SFXN1: variants seen among roughly 807,000 people sequenced by gnomAD.
SFXN1 encodes the protein sideroflexin-1.
A neutral mutation model predicts 39.5 loss-of-function variants in SFXN1; 32 were observed. The ratio of observed to expected loss-of-function variants is 0.81; its 90% CI spans 0.61 to 1.09. The LOEUF is 1.09. Among genes scored for constraint, SFXN1 ranks in the 50% least tolerant of loss-of-function variants. The probability of loss-of-function intolerance (pLI) is 0.00; values close to 1 mark genes in which losing one functional copy is unlikely to be tolerated. For missense variants in SFXN1, 402 were observed against 407.1 expected, an observed-to-expected ratio of 0.99 and a Z score of 0.11; for synonymous variants, 136 against 146.5, an observed-to-expected ratio of 0.93 and a Z score of 0.52.
intron 1 of SFXN1, among the ~76,000 whole-genome samples, chr5:175,483,118 A>G (rs562465877): frequency 6.6e-6 from 1 of 152,216 alleles, no homozygotes; most frequent in Non-Finnish European, 1.5e-5. Context: ...GATTGAATTT[A>G]AACAGTTTTT....
In SFXN1 at chr5:175,513,310, A is replaced by C. The variant is rs1312888952; in HGVS notation, c.597-153A>C. ...GAGTGAGACTGTAAAAAAAAAAAAA[A>C]AAAAAAAAAAAAAACAGATGTGTCA... is the stretch of plus-strand genomic sequence containing the variant. On this transcript the variant is annotated intron_variant, in intron 6 of 10. Coordinates refer to ENST00000321442, the MANE Select transcript of SFXN1 (RefSeq NM_022754.7). Among the ~76,000 whole-genome samples, 7 of 131,030 alleles carry C rather than the reference A, an allele frequency of 5.3e-5. No individual in the cohort carries two copies. The East Asian group carries it at 1.0e-3, about 20-fold the overall frequency. 86.0% of individuals were successfully genotyped at this position (131,030 alleles called of 152,430 possible).
chr5:175,482,222 G>A (rs149455319), intron 1 of SFXN1, among the ~76,000 whole-genome samples: 248 of 152,266 alleles, frequency 1.6e-3, no homozygotes, highest in African/African-American at 5.8e-3. Flanking sequence ...TGGCCCTAGT[G>A]AAACAAACTG....
rs1761075824 is a variant in SFXN1 at position 175,526,748 on chromosome 5, CCT to C, written c.*17_*18del. 1 of 1,596,716 alleles carries C rather than the reference CCT, an allele frequency of 6.3e-7. No homozygotes were observed. ...AAGGGATTGTAAAGCAGGGAGGAAA[CCT>C]CTGCAGCTCATTCTGCCACTGCAAA... On this transcript the variant is annotated 3_prime_UTR_variant, in exon 11 of 11. Coordinates refer to ENST00000321442, the MANE Select transcript of SFXN1 (RefSeq NM_022754.7).
intron 7 of SFXN1, among the ~76,000 whole-genome samples, chr5:175,513,933 T>C (rs1428128969): frequency 6.7e-6 from 1 of 150,160 alleles, no homozygotes; most frequent in Non-Finnish European, 1.5e-5. Context: ...CAGGTGCAGC[T>C]GGGGCACAGT....
intron 2 of SFXN1, among the ~76,000 whole-genome samples, chr5:175,505,314 C>G (rs1206456647): frequency 6.6e-6 from 1 of 151,698 alleles, no homozygotes; most frequent in African/African-American, 2.4e-5. Flanking sequence ...GCAGGGGCAT[C>G]ACCTGAGGTT....
At chr5:175,513,197 G>A (rs1561671373) in intron 6 of SFXN1, among the ~76,000 whole-genome samples, 1 of 151,448 alleles carries the variant, frequency 6.6e-6, no homozygotes, top group Non-Finnish European at 1.5e-5. Flanking sequence ...CTACTCGGGA[G>A]GCTGAGGCAG....
Position 175,488,948 on chromosome 5 carries a change from G to T in SFXN1, c.-9-3147G>T, listed in dbSNP as rs565515296. Among the ~76,000 whole-genome samples the T allele has an allele frequency of 1.3e-3, 200 of 152,246 alleles. No homozygotes were observed. In the Middle Eastern group the frequency reaches 0.024, roughly 18 times the overall value. The stretch of plus-strand genomic sequence containing the variant: ...ATAATGAATAGTTTACTTATCTTTT[G>T]TGTTTTTTGTTTGTTGCCTGTTTTC... On this transcript the variant is annotated intron_variant, in intron 1 of 10. Coordinates refer to ENST00000321442, the MANE Select transcript of SFXN1 (RefSeq NM_022754.7).
intron 1 of SFXN1, among the ~76,000 whole-genome samples, chr5:175,480,208 T>C (rs916524561): frequency 6.6e-6 from 1 of 152,194 alleles, no homozygotes; most frequent in Non-Finnish European, 1.5e-5. Flanking sequence ...AAGACCATCC[T>C]GGCTAAGCCG....
At chr5:175,503,506 T>C (rs999742538) in intron 2 of SFXN1, among the ~76,000 whole-genome samples, 1 of 152,180 alleles carries the variant, frequency 6.6e-6, no homozygotes, top group African/African-American at 2.4e-5. Context: ...ATCACATCAA[T>C]ATGTCAGAGC....
At chr5:175,494,706 C>T (rs1247639023) in intron 2 of SFXN1, among the ~76,000 whole-genome samples, 1 of 150,940 alleles carries the variant, frequency 6.6e-6, no homozygotes, top group Non-Finnish European at 1.5e-5. Flanking sequence ...GAGCCGAGAT[C>T]ATGCCACTGC....
At chr5:175,513,236 G>A (rs1480679974) in intron 6 of SFXN1, among the ~76,000 whole-genome samples, 1 of 147,648 alleles carries the variant, frequency 6.8e-6, no homozygotes, top group Admixed American at 6.9e-5. Flanking sequence ...GGGAGGCAGA[G>A]GTTGCAGTCA....
At chr5:175,484,547 G>A (rs1245006215) in intron 1 of SFXN1, among the ~76,000 whole-genome samples, 2 of 152,336 alleles carry the variant, frequency 1.3e-5, no homozygotes, top group Admixed American at 6.5e-5. Flanking sequence ...TGACCCCTGC[G>A]GGTGGAAAAG....
Position 175,522,371 on chromosome 5 carries a change from T to C in SFXN1, c.825-4T>C. The C allele has an allele frequency of 6.3e-7, 1 of 1,578,504 alleles. No homozygotes were observed. Among genetic ancestry groups the C allele is most frequent in the Non-Finnish European group, 8.5e-7 (1 of 1,171,024 alleles). The stretch of plus-strand genomic sequence containing the variant: ...GTCTGACTTTTTTTTGTATTTTTTT[T>C]AAGTTTGGTGTTTGCTACACCCCTG... On this transcript the variant is annotated splice_region_variant and splice_polypyrimidine_tract_variant and intron_variant, in intron 9 of 10. Coordinates refer to ENST00000321442, the MANE Select transcript of SFXN1 (RefSeq NM_022754.7).
chr5:175,481,567 G>A (rs942460223), intron 1 of SFXN1, among the ~76,000 whole-genome samples: 2 of 152,184 alleles, frequency 1.3e-5, no homozygotes, highest in Non-Finnish European at 2.9e-5. Flanking sequence ...GCCCACCTCA[G>A]CCTCCCAAAG....
chr5:175,513,644 G>A lies in SFXN1; in HGVS notation c.724+54G>A, dbSNP rs569053255. The A allele has an allele frequency of 9.1e-5, 145 of 1,591,726 alleles. No homozygotes were observed. The African/African-American group carries it at 1.3e-3, about 14-fold the overall frequency. On this transcript the variant is annotated intron_variant, in intron 7 of 10. Transcript: ENST00000321442. ...AAATACAGGTTGAACCAGCGTTCAC[G>A]GATCCGTGAACCAGAAAACAAACAC...
At chr5:175,486,348 A>AT (rs1392273879) in intron 1 of SFXN1, among the ~76,000 whole-genome samples, 1 of 152,248 alleles carries the variant, frequency 6.6e-6, no homozygotes, top group Non-Finnish European at 1.5e-5. Context: ...AGCATCTGCC[A>AT]TGCAACCTGG....
Position 175,511,318 on chromosome 5 carries a change from T to C in SFXN1, c.435-133T>C, listed in dbSNP as rs1277341588. On this transcript the variant is annotated intron_variant, in intron 4 of 10. Transcript: ENST00000321442. ...GATTCCCCTACTTGTGGAGTGATAGTGAATGTTGTTTTGTAGACTCTTCAT... is the reference window on the plus strand; with the variant it reads ...GATTCCCCTACTTGTGGAGTGATAGCGAATGTTGTTTTGTAGACTCTTCAT... 8.8e-6 allele frequency: 6 copies of C among 685,182 alleles called. No homozygotes were observed. In the Middle Eastern group the frequency reaches 9.9e-4, roughly 113 times the overall value. 42.4% of individuals were successfully genotyped at this position (685,182 alleles called of 1,614,324 possible).
chr5:175,486,786 TA>T (rs1445706224), intron 1 of SFXN1, among the ~76,000 whole-genome samples: 2 of 152,014 alleles, frequency 1.3e-5, no homozygotes, highest in Non-Finnish European at 2.9e-5. Context: ...TCAAAATAAA[TA>T]AATAAATAAT....
intron 1 of SFXN1, among the ~76,000 whole-genome samples, chr5:175,479,990 A>G (rs1759170530): frequency 6.6e-6 from 1 of 152,132 alleles, no homozygotes; most frequent in Admixed American, 6.5e-5. Context: ...TTCAGACTTG[A>G]TATAAAAGAT....
Sources: allele counts gnomAD v4.1 joint callset (sites outside exome capture counted in the v4.1 genomes callset), GRCh38; gene constraint gnomAD v4.1.1; transcripts MANE v1.5; gene names NCBI Gene and HGNC (gene_info 2026-07-23, HGNC 2026-07-21).